Variants in ZBTB37 observed in about 807,000 individuals in gnomAD.
ZBTB37 encodes the protein zinc finger and BTB domain containing 37.
In ZBTB37, 15 loss-of-function variants were observed where a neutral mutation model predicts 37.7. The observed-to-expected ratio is 0.40, with a 90% CI of 0.27 to 0.61. The LOEUF is 0.61. Ranked by LOEUF, ZBTB37 falls within the 20% of genes least tolerant of loss-of-function variation. The pLI, the probability that ZBTB37 is intolerant of heterozygous loss-of-function variation, is 0.44. For synonymous variants in ZBTB37, 231 were observed against 220.6 expected (o/e 1.05, Z -0.42); for missense variants, 514 against 641.9 (o/e 0.80, Z 2.15).
chr1:173,881,173 C>G (rs1391321331), intron 4 of ZBTB37, among the ~76,000 whole-genome samples: 2 of 149,088 alleles, frequency 1.3e-5, no homozygotes, highest in African/African-American at 2.5e-5. Flanking sequence ...TCTCATTGTT[C>G]AATTCCCACC....
At chr1:173,875,255 T>TAC (rs66717477) in intron 4 of ZBTB37, among the ~76,000 whole-genome samples, 4 of 149,896 alleles carry the variant, frequency 2.7e-5, no homozygotes, top group African/African-American at 7.4e-5. Flanking sequence ...ATGCGTAGTA[T>TAC]ACACACACAC....
At chr1:173,883,872 G>T (rs1489908046) in intron 4 of ZBTB37, among the ~76,000 whole-genome samples, 1 of 152,092 alleles carries the variant, frequency 6.6e-6, no homozygotes, top group African/African-American at 2.4e-5. Context: ...ATCTTCTATA[G>T]TGTCTATCTT....
At chr1:173,874,594 G>A (rs906332961) in intron 4 of ZBTB37, among the ~76,000 whole-genome samples, 1 of 152,016 alleles carries the variant, frequency 6.6e-6, no homozygotes, top group Admixed American at 6.6e-5. Flanking sequence ...CTCATGATCC[G>A]CCTGCCTCGG....
At chr1:173,881,044 TGCTGCACCCGTTA>T (rs1656274034) in intron 4 of ZBTB37, among the ~76,000 whole-genome samples, 1 of 152,084 alleles carries the variant, frequency 6.6e-6, no homozygotes, top group African/African-American at 2.4e-5. Flanking sequence ...CATGTTGGTG[TGCTGCACCCGTTA>T]ACTTGTCATT....
chr1:173,868,843 C>A (rs1655263332), intron 1 of ZBTB37, 82 bp from the exon 2 acceptor site: 1 of 153,068 alleles, frequency 6.5e-6, no homozygotes, highest in African/African-American at 2.4e-5. Context: ...TTCCCCTCTC[C>A]CCAGGCTTCC....
exon 5 of ZBTB37, chr1:173,886,128 A>C (rs1398110765): frequency 6.5e-7 from 1 of 1,548,116 alleles, no homozygotes; most frequent in Non-Finnish European, 8.7e-7. Context: ...AGACTGAAAC[A>C]TCCAGGGGGA....
At chr1:173,886,097 C>T in exon 5 of ZBTB37, 1 of 1,551,420 alleles carries the variant, frequency 6.4e-7, no homozygotes. Flanking sequence ...CTGTCCAGGG[C>T]TCTGTGTCCA....
intron 3 of ZBTB37, among the ~76,000 whole-genome samples, chr1:173,873,035 C>T (rs1050078566): frequency 1.3e-5 from 2 of 151,468 alleles, no homozygotes; most frequent in Non-Finnish European, 2.9e-5. Flanking sequence ...ATATCAATTT[C>T]AATGCAAAGA....
At chr1:173,879,987 C>T (rs1656209965) in intron 4 of ZBTB37, among the ~76,000 whole-genome samples, 1 of 152,146 alleles carries the variant, frequency 6.6e-6, no homozygotes, top group African/African-American at 2.4e-5. Flanking sequence ...ATTATATTTA[C>T]ACAAACTAGG....
exon 5 of ZBTB37, chr1:173,885,716 G>C (rs1198740396): frequency 1.3e-6 from 2 of 1,551,732 alleles, no homozygotes; most frequent in African/African-American, 2.7e-5. Flanking sequence ...GGTGGTTCCG[G>C]TACAACCCTC....
chr1:173,869,485 TTCA>T (rs1172679710), intron 2 of ZBTB37, among the ~76,000 whole-genome samples: 8 of 152,356 alleles, frequency 5.3e-5, no homozygotes, highest in African/African-American at 1.9e-4. Flanking sequence ...GATGGAAGTA[TTCA>T]TCACCACCTC....
chr1:173,871,259 A>G, intron 3 of ZBTB37, 111 bp downstream of exon 3: 1 of 1,126,984 alleles, frequency 8.9e-7, no homozygotes, highest in Non-Finnish European at 1.2e-6. Context: ...CTTGGTCAAA[A>G]TAAGTTGATG....
At chr1:173,888,096 T>G (rs573473938), downstream of ZBTB37, 12 of 152,306 alleles carry the variant, frequency 7.9e-5, no homozygotes, top group South Asian at 1.7e-3. Context: ...ATTGAAACTG[T>G]ATTTTGTCTT....
At chr1:173,882,239 T>C (rs1472908765) in intron 4 of ZBTB37, among the ~76,000 whole-genome samples, 1 of 91,018 alleles carries the variant, frequency 1.1e-5, no homozygotes, top group Non-Finnish European at 2.1e-5. Flanking sequence ...GGTAGTTTCT[T>C]TTTTTTTTTT....
At chr1:173,874,955 G>T (rs1054452571) in intron 4 of ZBTB37, among the ~76,000 whole-genome samples, 14 of 151,758 alleles carry the variant, frequency 9.2e-5, no homozygotes, top group African/African-American at 3.4e-4. Flanking sequence ...CACTTTCGAT[G>T]TCAGCAGAGT....
At chr1:173,876,675 C>G (rs1257808798) in intron 4 of ZBTB37, among the ~76,000 whole-genome samples, 3 of 152,168 alleles carry the variant, frequency 2.0e-5, no homozygotes, top group African/African-American at 7.2e-5. Flanking sequence ...GACATTGTTA[C>G]AAACTGTGTT....
At chr1:173,878,795 A>C (rs6667813) in intron 4 of ZBTB37, among the ~76,000 whole-genome samples, 2 of 152,118 alleles carry the variant, frequency 1.3e-5, no homozygotes, top group Non-Finnish European at 2.9e-5. Context: ...TATAAATTCA[A>C]CATTTAGGCT....
At chr1:173,880,985 A>C (rs1192420691) in intron 4 of ZBTB37, among the ~76,000 whole-genome samples, 1 of 150,578 alleles carries the variant, frequency 6.6e-6, no homozygotes, top group African/African-American at 2.4e-5. Flanking sequence ...TTTAAGTTCT[A>C]GGGTACATGT....
intron 3 of ZBTB37, among the ~76,000 whole-genome samples, chr1:173,872,493 G>A (rs1655641197): frequency 6.6e-6 from 1 of 152,088 alleles, no homozygotes. Context: ...CTGCCACTGT[G>A]CCTGGCTTCA....
Sources: gnomAD v4.1 joint callset for allele counts (sites outside exome capture counted in the v4.1 genomes callset) on GRCh38, gnomAD v4.1.1 for gene constraint, MANE v1.5 for transcripts, NCBI Gene and HGNC (gene_info 2026-07-23, HGNC 2026-07-21) for gene names.